The following HIVEP3 variants were observed in gnomAD, a reference collection of about 807,000 sequenced individuals.
The protein encoded by HIVEP3 is transcription factor HIVEP3.
A neutral mutation model predicts 152.8 loss-of-function variants in HIVEP3; 49 were observed. The observed-to-expected ratio is 0.32, with a 90% CI of 0.26 to 0.41. HIVEP3 has a LOEUF of 0.41. Ranked by LOEUF, HIVEP3 falls within the 10% of genes least tolerant of loss-of-function variation. The pLI, the probability that HIVEP3 is intolerant of heterozygous loss-of-function variation, is 1.00. For missense variants in HIVEP3, 2,790 were observed against 3,103.3 expected (o/e 0.90, Z 2.40); for synonymous variants, 1,269 against 1,289.0 (o/e 0.98, Z 0.33).
intron 1 of HIVEP3, among the ~76,000 whole-genome samples, chr1:41,909,496 C>A (rs779272765): frequency 9.2e-5 from 14 of 151,994 alleles, no homozygotes; most frequent in Non-Finnish European, 1.5e-4. Context: ...AACTGACAGA[C>A]CATAAGAAGA....
chr1:42,032,886 T>C (rs1298488955), intron 1 of HIVEP3, among the ~76,000 whole-genome samples: 1 of 152,164 alleles, frequency 6.6e-6, no homozygotes, highest in Non-Finnish European at 1.5e-5. Context: ...TGACAATTGA[T>C]AGTCTTTCAA....
At chr1:41,751,815 A>ACAC (rs1453153098) in intron 1 of HIVEP3, among the ~76,000 whole-genome samples, 1 of 152,144 alleles carries the variant, frequency 6.6e-6, no homozygotes, top group African/African-American at 2.4e-5. Flanking sequence ...AAGTGAATCC[A>ACAC]CACAAAAGCA....
chr1:42,035,857 G>A (rs924274440), exon 1 of HIVEP3: 10 of 149,628 alleles, frequency 6.7e-5, no homozygotes, highest in African/African-American at 2.2e-4. Flanking sequence ...CCGGGGTGGC[G>A]GGCGGCGGGC....
intron 5 of HIVEP3, among the ~76,000 whole-genome samples, chr1:41,551,319 A>G (rs1021852070): frequency 8.1e-5 from 11 of 135,006 alleles, no homozygotes; most frequent in Non-Finnish European, 3.2e-5. Context: ...TTCATCAGGG[A>G]TATTGGTCTA....
rs571996071 is a variant in HIVEP3, at chr1:41,556,226, AC to A, written c.5207+19317del. 8.5e-5 allele frequency among the ~76,000 whole-genome samples: 13 copies of A among 152,334 alleles called. 1 individual carries two copies. In the South Asian group the frequency reaches 2.7e-3, roughly 32 times the overall value. On this transcript the variant is annotated intron_variant, in intron 5 of 8. Transcript: ENST00000372583. ...CCATACCGTTTTTCACAGCGGCTGCACCATTTCACGCTCCCACCAGCAGCGT... is the reference window on the plus strand; with the variant it reads ...CCATACCGTTTTTCACAGCGGCTGCACATTTCACGCTCCCACCAGCAGCGT...
chr1:41,909,021 A>C (rs1003452436), intron 1 of HIVEP3, among the ~76,000 whole-genome samples: 1 of 152,198 alleles, frequency 6.6e-6, no homozygotes, highest in East Asian at 1.9e-4. Flanking sequence ...TAAAGGAACC[A>C]GAAGGAAAAC....
chr1:41,878,250 G>A lies in HIVEP3; in HGVS notation c.-801+40163C>T, dbSNP rs186952918. 7.2e-5 allele frequency among the ~76,000 whole-genome samples: 11 copies of A among 152,274 alleles called. No homozygotes were observed. In the East Asian group the frequency reaches 2.1e-3, roughly 29 times the overall value. Reference sequence around the variant, plus strand: ...GAGAATTTAGGTCTGTTCTCCCACAGAGCAAGCAATTTGCGAAACTTTGCT... The same window carrying A: ...GAGAATTTAGGTCTGTTCTCCCACAAAGCAAGCAATTTGCGAAACTTTGCT... On this transcript the variant is annotated intron_variant, in intron 1 of 8. Transcript: ENST00000372583.
chr1:41,973,833 G>A (rs1570858240), intron 1 of HIVEP3, among the ~76,000 whole-genome samples: 1 of 152,316 alleles, frequency 6.6e-6, no homozygotes, highest in Non-Finnish European at 1.5e-5. Flanking sequence ...CTGAGAAAGA[G>A]CATCCAAGAA....
chr1:41,691,590 G>A (rs1051963876), intron 2 of HIVEP3, among the ~76,000 whole-genome samples: 16 of 152,184 alleles, frequency 1.1e-4, no homozygotes, highest in Non-Finnish European at 1.9e-4. Context: ...CAGCAAAAAG[G>A]TAACACCTAT....
chr1:41,695,310 C>A (rs1203971398), intron 2 of HIVEP3, among the ~76,000 whole-genome samples: 1 of 152,216 alleles, frequency 6.6e-6, no homozygotes, highest in Non-Finnish European at 1.5e-5. Context: ...GACAGCCCTG[C>A]AGTTCCATCC....
At chr1:41,946,807 A>G (rs932988230) in intron 1 of HIVEP3, among the ~76,000 whole-genome samples, 5 of 152,158 alleles carry the variant, frequency 3.3e-5, no homozygotes, top group Admixed American at 1.3e-4. Flanking sequence ...GAGGCCCTAC[A>G]AGGACTCAAA....
intron 1 of HIVEP3, among the ~76,000 whole-genome samples, chr1:41,996,864 C>G (rs1414951840): frequency 2.6e-5 from 4 of 152,246 alleles, no homozygotes; most frequent in Admixed American, 2.6e-4. Flanking sequence ...CTTTTCCAGC[C>G]ACCTGCATTC....
At chr1:41,556,732 C>G (rs1643971617) in intron 5 of HIVEP3, among the ~76,000 whole-genome samples, 1 of 152,128 alleles carries the variant, frequency 6.6e-6, no homozygotes, top group African/African-American at 2.4e-5. Context: ...AAGTTCTTCC[C>G]TTATGTTTTC....
At chr1:41,750,829 G>A (rs1401376690) in intron 1 of HIVEP3, among the ~76,000 whole-genome samples, 2 of 152,034 alleles carry the variant, frequency 1.3e-5, no homozygotes, top group African/African-American at 2.4e-5. Context: ...CTCCCAAGTA[G>A]CTGGGATTAC....
chr1:41,960,644 G>A (rs1041632877), intron 1 of HIVEP3, among the ~76,000 whole-genome samples: 2 of 152,172 alleles, frequency 1.3e-5, no homozygotes, highest in Non-Finnish European at 2.9e-5. Flanking sequence ...CTCTGTTGGA[G>A]GTTTTTCCTA....
chr1:41,960,397 C>T (rs1345775327), intron 1 of HIVEP3, among the ~76,000 whole-genome samples: 2 of 152,154 alleles, frequency 1.3e-5, no homozygotes, highest in African/African-American at 4.8e-5. Flanking sequence ...GTAGCAGAGG[C>T]AACAGTTGCC....
intron 1 of HIVEP3, among the ~76,000 whole-genome samples, chr1:41,819,659 A>T (rs1013149731): frequency 6.6e-6 from 1 of 152,210 alleles, no homozygotes; most frequent in African/African-American, 2.4e-5. Context: ...GGGATTAGTT[A>T]TCTTTTAATT....
At chr1:41,593,945 T>G (rs934836515) in intron 3 of HIVEP3, among the ~76,000 whole-genome samples, 1 of 152,130 alleles carries the variant, frequency 6.6e-6, no homozygotes, top group African/African-American at 2.4e-5. Context: ...CATGGAAGGC[T>G]CCCCTTCCAC....
intron 1 of HIVEP3, among the ~76,000 whole-genome samples, chr1:41,828,722 A>AGC (rs1642874382): frequency 6.6e-6 from 1 of 152,220 alleles, no homozygotes; most frequent in Non-Finnish European, 1.5e-5. Flanking sequence ...GCCTTGCCCG[A>AGC]GACCTTAGGG....
Sources: allele counts gnomAD v4.1 joint callset (sites outside exome capture counted in the v4.1 genomes callset), GRCh38; gene constraint gnomAD v4.1.1; transcripts MANE v1.5; gene names NCBI Gene and HGNC (gene_info 2026-07-23, HGNC 2026-07-21).